Variants in ZNF540 observed in about 807,000 individuals in gnomAD.
ZNF540 encodes the protein CTD-3064H18.6.
ZNF540 carries 3 observed loss-of-function variants against 11.8 expected under a neutral mutation model. The observed-to-expected ratio is 0.25, with a 90% confidence interval of 0.12 to 0.65. The LOEUF (loss-of-function observed/expected upper bound fraction) is 0.65. ZNF540 is among the 30% of genes least tolerant of loss of function. The pLI is 0.83. For synonymous variants in ZNF540, 247 were observed against 259.0 expected (o/e 0.95, Z 0.45); for missense variants, 709 against 793.1 (o/e 0.89, Z 1.27).
intron 1 of ZNF540, chr19:37,565,928 G>A (rs752854508): frequency 6.2e-6 from 10 of 1,613,692 alleles, no homozygotes; most frequent in Non-Finnish European, 7.6e-6. Context: ...CTTAACTTCA[G>A]AGCATTTTTC....
intron 1 of ZNF540, among the ~76,000 whole-genome samples, chr19:37,572,918 T>C (rs1297219354): frequency 3.3e-5 from 2 of 59,834 alleles, no homozygotes. Context: ...AAACTGACAT[T>C]GAATGACTTT....
chr19:37,598,991 C>A (rs966254025), intron 2 of ZNF540, among the ~76,000 whole-genome samples: 1 of 152,068 alleles, frequency 6.6e-6, no homozygotes, highest in African/African-American at 2.4e-5. Flanking sequence ...CATCAATATT[C>A]TTAATCTCAA....
chr19:37,570,866 C>G (rs2147163477), intron 1 of ZNF540, among the ~76,000 whole-genome samples: 1 of 152,138 alleles, frequency 6.6e-6, no homozygotes, highest in East Asian at 1.9e-4. Flanking sequence ...TATCCTCCAT[C>G]TTTGATTACC....
At chr19:37,580,839 C>T (rs895923553) in intron 1 of ZNF540, among the ~76,000 whole-genome samples, 4 of 152,320 alleles carry the variant, frequency 2.6e-5, no homozygotes, top group Non-Finnish European at 5.9e-5. Flanking sequence ...TCTTGTACAA[C>T]CTGCAGAACC....
chr19:37,591,705 C>T (rs1266677581), upstream of ZNF540, among the ~76,000 whole-genome samples: 1 of 151,942 alleles, frequency 6.6e-6, no homozygotes, highest in African/African-American at 2.4e-5. Context: ...CCACCATGCC[C>T]AGCTAATTTT....
chr19:37,606,791 TTATTTACATA>T (rs2044088840), intron 4 of ZNF540, among the ~76,000 whole-genome samples: 1 of 152,202 alleles, frequency 6.6e-6, no homozygotes, highest in Non-Finnish European at 1.5e-5. Flanking sequence ...TATAAGCATT[TTATTTACATA>T]TATGATCTGC....
chr19:37,586,961 G>A (rs1006221093), intron 1 of ZNF540: 11 of 423,788 alleles, frequency 2.6e-5, no homozygotes, highest in African/African-American at 2.3e-4. Flanking sequence ...ACTTTCCCAT[G>A]GCATCTCCTC....
At chr19:37,595,818 A>T (rs2043987699) in intron 1 of ZNF540, among the ~76,000 whole-genome samples, 1 of 152,218 alleles carries the variant, frequency 6.6e-6, no homozygotes, top group African/African-American at 2.4e-5. Context: ...CGAATTTTTT[A>T]AATTGTGTTC....
chr19:37,596,126 G>A (rs2043991858), intron 1 of ZNF540, among the ~76,000 whole-genome samples: 1 of 152,216 alleles, frequency 6.6e-6, no homozygotes, highest in South Asian at 2.1e-4. Flanking sequence ...CAACCAGGAT[G>A]TTGACATTGA....
intron 1 of ZNF540, among the ~76,000 whole-genome samples, chr19:37,561,317 G>T (rs1400742398): frequency 2.0e-5 from 3 of 152,150 alleles, no homozygotes; most frequent in Non-Finnish European, 4.4e-5. Context: ...TACAGAAATT[G>T]TTCCTCTCTA....
chr19:37,590,400 G>C (rs1224952880), upstream of ZNF540, among the ~76,000 whole-genome samples: 3 of 151,728 alleles, frequency 2.0e-5, no homozygotes, highest in African/African-American at 7.3e-5. Context: ...CTGGGGGACA[G>C]AGTGAGGCTC....
chr19:37,568,337 T>C, intron 1 of ZNF540, among the ~76,000 whole-genome samples: 1 of 140,344 alleles, frequency 7.1e-6, no homozygotes, highest in Admixed American at 7.0e-5. Flanking sequence ...ACTTGCCATA[T>C]ACACACCACA....
intron 1 of ZNF540, among the ~76,000 whole-genome samples, chr19:37,557,460 G>A (rs1452999433): frequency 1.3e-5 from 2 of 152,216 alleles, no homozygotes; most frequent in African/African-American, 4.8e-5. Context: ...GAGCCTGAGT[G>A]AGGGCGATCA....
At chr19:37,602,276 G>C (rs1029465730) in intron 4 of ZNF540, among the ~76,000 whole-genome samples, 2 of 152,134 alleles carry the variant, frequency 1.3e-5, no homozygotes, top group Non-Finnish European at 2.9e-5. Context: ...ATAGAGTCCT[G>C]ATTTAGGTAT....
chr19:37,562,765 T>C (rs1218072945), intron 1 of ZNF540: 1 of 152,258 alleles, frequency 6.6e-6, no homozygotes, highest in African/African-American at 2.4e-5. Flanking sequence ...ATTGTCACTA[T>C]AGTATCTGTT....
intron 1 of ZNF540, among the ~76,000 whole-genome samples, chr19:37,583,165 T>G (rs918089171): frequency 2.6e-5 from 4 of 152,162 alleles, no homozygotes; most frequent in African/African-American, 9.7e-5. Context: ...ACAGCCAACT[T>G]TATTCAGGTC....
At chr19:37,593,491 C>T (rs749738461), upstream of ZNF540, among the ~76,000 whole-genome samples, 15 of 152,154 alleles carry the variant, frequency 9.9e-5, no homozygotes, top group Non-Finnish European at 1.5e-4. Context: ...ATCACGAGGT[C>T]AGGAGATCGA....
intron 1 of ZNF540, among the ~76,000 whole-genome samples, chr19:37,578,118 GTT>G (rs1344754195): frequency 6.6e-6 from 1 of 152,168 alleles, no homozygotes; most frequent in Non-Finnish European, 1.5e-5. Flanking sequence ...AGGTGGAACA[GTT>G]TCATCCCCAA....
intron 1 of ZNF540, chr19:37,565,322 C>T (rs367979710): frequency 2.5e-6 from 4 of 1,612,164 alleles, no homozygotes; most frequent in Admixed American, 1.7e-5. Context: ...AAAGGTCTTC[C>T]CGCATTCTTT....
Sources: allele counts gnomAD v4.1 joint callset (sites outside exome capture counted in the v4.1 genomes callset), GRCh38; gene constraint gnomAD v4.1.1; transcripts MANE v1.5; gene names NCBI Gene and HGNC (gene_info 2026-07-23, HGNC 2026-07-21).